XPR1: variants seen among roughly 807,000 people sequenced by gnomAD.
XPR1 encodes xenotropic and polytropic retrovirus receptor 1, also known as solute carrier family 53 member 1.
In XPR1, 28 loss-of-function variants were observed where a neutral mutation model predicts 87.5. The ratio of observed to expected loss-of-function variants is 0.32; its 90% CI spans 0.24 to 0.44. XPR1 has a LOEUF of 0.44. XPR1 is among the 20% of genes least tolerant of loss of function. XPR1 has a pLI of 1.00. For synonymous variants in XPR1, 300 were observed against 306.1 expected (o/e 0.98, Z 0.21); for missense variants, 559 against 862.3 (o/e 0.65, Z 4.41).
intron 3 of XPR1, among the ~76,000 whole-genome samples, chr1:180,802,849 G>A (rs890596299): frequency 9.2e-5 from 14 of 152,158 alleles, no homozygotes; most frequent in Non-Finnish European, 2.1e-4. Context: ...GCATGAATTA[G>A]CACTTCATTC....
At chr1:180,640,209 A>G (rs535433542) in intron 1 of XPR1, among the ~76,000 whole-genome samples, 2 of 152,388 alleles carry the variant, frequency 1.3e-5, no homozygotes, top group East Asian at 1.9e-4. Flanking sequence ...AATTAAATCA[A>G]ATCAGACTGT....
At chr1:180,769,761 A>G (rs942767155) in intron 2 of XPR1, among the ~76,000 whole-genome samples, 1 of 152,130 alleles carries the variant, frequency 6.6e-6, no homozygotes, top group Admixed American at 6.5e-5. Context: ...TATCTCTTCG[A>G]TATGCTAATT....
chr1:180,688,125 G>A lies in XPR1; in HGVS notation c.121+5714G>A, dbSNP rs999454513. 4.1e-5 allele frequency among the ~76,000 whole-genome samples: 6 copies of A among 146,836 alleles called. No individual in the cohort carries two copies. The East Asian group carries it at 6.0e-4, about 15-fold the overall frequency. ...GAGTGCAGTGGCGTGATCTCGGCTCGCTGCAACTTCCGCCTCCTGGGGGTT... is the reference window on the plus strand; with the variant it reads ...GAGTGCAGTGGCGTGATCTCGGCTCACTGCAACTTCCGCCTCCTGGGGGTT... On this transcript the variant is annotated intron_variant, in intron 2 of 14. Transcript: ENST00000367590.
At chr1:180,800,128 A>G (rs970425013) in intron 3 of XPR1, among the ~76,000 whole-genome samples, 1 of 152,340 alleles carries the variant, frequency 6.6e-6, no homozygotes, top group Admixed American at 6.5e-5. Flanking sequence ...CCAGTGGCCT[A>G]GTAGGTCTAT....
At chr1:180,755,287 G>T (rs1647688975) in intron 2 of XPR1, among the ~76,000 whole-genome samples, 1 of 152,138 alleles carries the variant, frequency 6.6e-6, no homozygotes, top group Admixed American at 6.5e-5. Context: ...TGTAACATTT[G>T]TTTTGCATCA....
At chr1:180,757,517 T>TC (rs1647793986) in intron 2 of XPR1, among the ~76,000 whole-genome samples, 1 of 151,290 alleles carries the variant, frequency 6.6e-6, no homozygotes, top group Non-Finnish European at 1.5e-5. Context: ...TTTTTTTTTT[T>TC]TTTTTTTAAA....
chr1:180,749,476 A>G lies in XPR1; in HGVS notation c.122-38277A>G, dbSNP rs533313000. Among the ~76,000 whole-genome samples the G allele has an allele frequency of 1.7e-3, 257 of 152,038 alleles. 2 individuals carry two copies. Among genetic ancestry groups the G allele is most frequent in the Non-Finnish European group, 3.1e-3 (208 of 68,012 alleles). On this transcript the variant is annotated intron_variant, in intron 2 of 14. Coordinates refer to ENST00000367590, the MANE Select transcript of XPR1 (RefSeq NM_004736.4). Reference sequence around the variant, plus strand: ...GACCTATACTCATTCATTAGTTGCAACCTTAGGTTGATTTCTTATGAGTTT... The same window carrying G: ...GACCTATACTCATTCATTAGTTGCAGCCTTAGGTTGATTTCTTATGAGTTT...
intron 2 of XPR1, among the ~76,000 whole-genome samples, chr1:180,762,389 A>G (rs531174544): frequency 6.6e-6 from 1 of 152,340 alleles, no homozygotes; most frequent in South Asian, 2.1e-4. Flanking sequence ...AACGTTATGA[A>G]CAGAAGTTAA....
At chr1:180,647,478 A>G (rs1334300056) in intron 1 of XPR1, among the ~76,000 whole-genome samples, 3 of 152,210 alleles carry the variant, frequency 2.0e-5, no homozygotes, top group Non-Finnish European at 2.9e-5. Flanking sequence ...TATGCTGTGC[A>G]TGACTATTTT....
chr1:180,778,326 A>C (rs1196192743), intron 2 of XPR1, among the ~76,000 whole-genome samples: 1 of 152,086 alleles, frequency 6.6e-6, no homozygotes, highest in Admixed American at 6.5e-5. Context: ...CCCTTTCCTC[A>C]TCTTTCTGCT....
chr1:180,712,094 TATAC>T (rs1194337936), intron 2 of XPR1, among the ~76,000 whole-genome samples: 1 of 152,228 alleles, frequency 6.6e-6, no homozygotes, highest in South Asian at 2.1e-4. Flanking sequence ...TCTATACATT[TATAC>T]ATACATATGA....
At chr1:180,767,473 A>C (rs1648333055) in intron 2 of XPR1, among the ~76,000 whole-genome samples, 1 of 152,166 alleles carries the variant, frequency 6.6e-6, no homozygotes, top group Non-Finnish European at 1.5e-5. Context: ...GGTGATCCTT[A>C]GTGCATTCTC....
chr1:180,817,553 C>A (rs1467202665), intron 7 of XPR1, among the ~76,000 whole-genome samples: 1 of 152,198 alleles, frequency 6.6e-6, no homozygotes, highest in African/African-American at 2.4e-5. Context: ...CATTGTGTTA[C>A]AATTGCCTAC....
At chr1:180,828,478 T>C (rs1198804979) in intron 9 of XPR1, among the ~76,000 whole-genome samples, 3 of 152,186 alleles carry the variant, frequency 2.0e-5, no homozygotes, top group Non-Finnish European at 4.4e-5. Flanking sequence ...ATATAAATTT[T>C]AACTCACTAT....
intron 2 of XPR1, among the ~76,000 whole-genome samples, chr1:180,691,265 A>C (rs1282513782): frequency 6.6e-6 from 1 of 152,148 alleles, no homozygotes. Context: ...GCCTCCTTTC[A>C]AAGATACATG....
chr1:180,752,412 C>T (rs994609955), intron 2 of XPR1, among the ~76,000 whole-genome samples: 2 of 152,068 alleles, frequency 1.3e-5, no homozygotes, highest in African/African-American at 2.4e-5. Context: ...TAAAACTGGA[C>T]AGTATTGGTA....
At chr1:180,750,977 A>T (rs1311036205) in intron 2 of XPR1, among the ~76,000 whole-genome samples, 1 of 152,070 alleles carries the variant, frequency 6.6e-6, no homozygotes, top group East Asian at 1.9e-4. Flanking sequence ...CAGATCTTGC[A>T]CATATGTTGC....
chr1:180,702,647 A>T (rs1571742187), intron 2 of XPR1, among the ~76,000 whole-genome samples: 2 of 151,868 alleles, frequency 1.3e-5, no homozygotes, highest in South Asian at 4.2e-4. Context: ...TGATTTTTAA[A>T]AATGGTATCT....
At chr1:180,675,422 A>G (rs922795124) in intron 1 of XPR1, among the ~76,000 whole-genome samples, 2 of 152,218 alleles carry the variant, frequency 1.3e-5, no homozygotes, top group Non-Finnish European at 2.9e-5. Context: ...TTTTATCTGT[A>G]GCTATCTGCC....
Sources: gnomAD v4.1 joint callset for allele counts (sites outside exome capture counted in the v4.1 genomes callset) on GRCh38, gnomAD v4.1.1 for gene constraint, MANE v1.5 for transcripts, NCBI Gene and HGNC (gene_info 2026-07-23, HGNC 2026-07-21) for gene names.